OCA2: variants seen among roughly 807,000 people sequenced by gnomAD.
OCA2 encodes OCA2 melanosomal transmembrane protein.
OCA2 carries 77 observed loss-of-function variants against 100.2 expected under a neutral mutation model. That is an observed-to-expected ratio of 0.77 (90% CI 0.64 to 0.93). OCA2 has a LOEUF of 0.93. Ranked by LOEUF, OCA2 falls within the 40% of genes least tolerant of loss-of-function variation. The probability of loss-of-function intolerance (pLI) is 0.00; values close to 1 mark genes in which losing one functional copy is unlikely to be tolerated. For synonymous variants in OCA2, 432 were observed against 439.2 expected (o/e 0.98, Z 0.21); for missense variants, 1,062 against 1,089.1 (o/e 0.98, Z 0.35).
intron 9 of OCA2, among the ~76,000 whole-genome samples, chr15:28,005,138 T>TAGCTC (rs1014904567): frequency 6.6e-5 from 10 of 152,216 alleles, no homozygotes; most frequent in African/African-American, 2.4e-4. Context: ...ACACTGCCTG[T>TAGCTC]AGCTCAGCTC....
intron 23 of OCA2, among the ~76,000 whole-genome samples, chr15:27,801,007 C>T (rs1169654623): frequency 1.3e-5 from 2 of 152,016 alleles, no homozygotes; most frequent in Non-Finnish European, 2.9e-5. Context: ...AAAACCTTCC[C>T]ACAAGGAAAA....
intron 23 of OCA2, among the ~76,000 whole-genome samples, chr15:27,799,876 G>T (rs560804170): frequency 6.6e-6 from 1 of 152,126 alleles, no homozygotes; most frequent in Admixed American, 6.5e-5. Flanking sequence ...CACCAGTAGT[G>T]GGCTCAAAAA....
At chr15:27,978,913 T>G (rs2041056861) in intron 14 of OCA2, among the ~76,000 whole-genome samples, 2 of 152,140 alleles carry the variant, frequency 1.3e-5, no homozygotes, top group South Asian at 4.1e-4. Context: ...TCTTGAACTC[T>G]TGATCTTAGG....
At chr15:28,041,495 A>G (rs934544847) in intron 2 of OCA2, among the ~76,000 whole-genome samples, 2 of 152,190 alleles carry the variant, frequency 1.3e-5, no homozygotes, top group Non-Finnish European at 2.9e-5. Context: ...TGCTACTTCT[A>G]CTCAATGCAG....
chr15:27,801,550 CAAAAAAAA>C (rs34636608), intron 23 of OCA2, among the ~76,000 whole-genome samples: 1 of 37,828 alleles, frequency 2.6e-5, no homozygotes, highest in African/African-American at 7.8e-5. Flanking sequence ...GACTCGGTCT[CAAAAAAAA>C]AAAAAAAAAA....
chr15:27,749,291 G>T, the OCA2 span, among the ~76,000 whole-genome samples: 1 of 152,094 alleles, frequency 6.6e-6, no homozygotes, highest in Non-Finnish European at 1.5e-5. Flanking sequence ...AGACCATATG[G>T]GCACAAGGAA....
At chr15:27,915,832 A>G (rs1198551081) in intron 19 of OCA2, among the ~76,000 whole-genome samples, 2 of 152,174 alleles carry the variant, frequency 1.3e-5, no homozygotes, top group African/African-American at 4.8e-5. Context: ...CAGCCCACCA[A>G]TCTCATTACT....
intron 11 of OCA2, among the ~76,000 whole-genome samples, chr15:27,987,084 T>C (rs776756673): frequency 6.6e-6 from 1 of 152,242 alleles, no homozygotes; most frequent in South Asian, 2.1e-4. Context: ...TCTATGATGC[T>C]AAAATTGGGT....
chr15:27,967,650 C>G (rs1004695223), intron 14 of OCA2, among the ~76,000 whole-genome samples: 4 of 152,234 alleles, frequency 2.6e-5, no homozygotes, highest in African/African-American at 9.6e-5. Context: ...CCCATCAGGG[C>G]TGGGATCGCT....
chr15:28,050,811 TGGCTCTTGGTCAG>T (rs954568595), intron 2 of OCA2, among the ~76,000 whole-genome samples: 1 of 151,680 alleles, frequency 6.6e-6, no homozygotes, highest in African/African-American at 2.4e-5. Flanking sequence ...TGGCATGGAG[TGGCTCTTGGTCAG>T]GAGCAGACCC....
chr15:27,899,200 G>A (rs763463015), intron 19 of OCA2, among the ~76,000 whole-genome samples: 10 of 152,162 alleles, frequency 6.6e-5, no homozygotes, highest in Non-Finnish European at 8.8e-5. Flanking sequence ...TTCTTCTGAA[G>A]CTTCCAGAAG....
chr15:27,938,311 T>A (rs1194876558), intron 18 of OCA2, among the ~76,000 whole-genome samples: 2 of 152,188 alleles, frequency 1.3e-5, no homozygotes, highest in Non-Finnish European at 1.5e-5. Flanking sequence ...TAAGATCTGA[T>A]GAGGGTCAGG....
chr15:27,896,588 A>T (rs913410543), intron 19 of OCA2: 3 of 286,622 alleles, frequency 1.0e-5, no homozygotes, highest in Non-Finnish European at 2.0e-5. Flanking sequence ...GCTAAACCAA[A>T]CAATTTTCCA....
the OCA2 span, among the ~76,000 whole-genome samples, chr15:27,725,001 C>T: frequency 6.6e-6 from 1 of 152,104 alleles, no homozygotes; most frequent in East Asian, 1.9e-4. Flanking sequence ...GACTTATGCT[C>T]TTGCTTTCAG....
intron 19 of OCA2, chr15:27,896,101 G>A: frequency 2.6e-6 from 3 of 1,159,000 alleles, no homozygotes; most frequent in Non-Finnish European, 3.8e-6. Flanking sequence ...AGCATTGATG[G>A]TCAGCCAAGT....
intron 9 of OCA2, among the ~76,000 whole-genome samples, chr15:27,995,702 A>C (rs1366194526): frequency 6.6e-6 from 1 of 152,176 alleles, no homozygotes; most frequent in Non-Finnish European, 1.5e-5. Flanking sequence ...AACAAATTTT[A>C]GAAGATGTAA....
At chr15:27,781,399 T>C (rs1290195898) in intron 23 of OCA2, among the ~76,000 whole-genome samples, 1 of 152,168 alleles carries the variant, frequency 6.6e-6, no homozygotes, top group Non-Finnish European at 1.5e-5. Flanking sequence ...ACCTCACATA[T>C]TCAAAGCAAA....
In OCA2 at chr15:28,014,775, C is replaced by A. The variant is rs185504549; in HGVS notation, c.1044+1G>T. On this transcript the variant is annotated splice_donor_variant, in intron 9 of 23. Transcript: ENST00000354638. LOFTEE classifies it high-confidence loss of function. ...ATCGGGGGAGCAGGTGTGAAAGTTA[C>A]CTCAAATATGATCAGCGCGTAGACG... 1.2e-6 allele frequency: 2 copies of A among 1,612,618 alleles called. No individual in the cohort carries two copies. The highest frequency in any genetic ancestry group is 1.7e-6 in the Non-Finnish European group (2 of 1,179,940).
chr15:27,800,762 C>G (rs1223530686), intron 23 of OCA2, among the ~76,000 whole-genome samples: 1 of 147,386 alleles, frequency 6.8e-6, no homozygotes, highest in Non-Finnish European at 1.5e-5. Context: ...CCCAAGAGTT[C>G]AAGACCAGCC....
Sources: gnomAD v4.1 joint callset for allele counts (sites outside exome capture counted in the v4.1 genomes callset) on GRCh38, gnomAD v4.1.1 for gene constraint, MANE v1.5 for transcripts, NCBI Gene and HGNC (gene_info 2026-07-23, HGNC 2026-07-21) for gene names.